The following GLIS3 variants were observed in gnomAD, a reference collection of about 807,000 sequenced individuals.
The protein encoded by GLIS3 is GLIS family zinc finger 3.
GLIS3 carries 53 observed loss-of-function variants against 78.6 expected under a neutral mutation model. That is an observed-to-expected ratio of 0.67 (90% CI 0.54 to 0.85). The LOEUF is 0.85. GLIS3 is among the 40% of genes least tolerant of loss of function. The pLI, the probability that GLIS3 is intolerant of heterozygous loss-of-function variation, is 0.00. For synonymous variants in GLIS3, 684 were observed against 509.9 expected (o/e 1.34, Z -4.60); for missense variants, 1,703 against 1,231.1 (o/e 1.38, Z -5.74).
the GLIS3 span, among the ~76,000 whole-genome samples, chr9:4,427,018 T>C: frequency 6.6e-6 from 1 of 152,224 alleles, no homozygotes. Flanking sequence ...TTGTATCTGA[T>C]AGAACCTAGC....
At chr9:4,373,017 G>C in the GLIS3 span, among the ~76,000 whole-genome samples, 1 of 152,154 alleles carries the variant, frequency 6.6e-6, no homozygotes, top group Non-Finnish European at 1.5e-5. Context: ...AAGCAAAAAT[G>C]TACCATAAAG....
chr9:4,155,121 T>C (rs1418982911), intron 2 of GLIS3, among the ~76,000 whole-genome samples: 4 of 152,238 alleles, frequency 2.6e-5, no homozygotes, highest in African/African-American at 7.2e-5. Flanking sequence ...AAGTTTCTTT[T>C]ATTCTTTTTT....
chr9:3,898,890 T>C (rs777640894), intron 6 of GLIS3, 55 bp from the exon 7 acceptor site: 760 of 1,611,288 alleles, frequency 4.7e-4, no homozygotes, highest in Non-Finnish European at 4.3e-4. Context: ...CTTGGAATAT[T>C]TTCCTGGGAA....
At chr9:4,255,366 A>C (rs1161716264) in intron 2 of GLIS3, among the ~76,000 whole-genome samples, 1 of 152,306 alleles carries the variant, frequency 6.6e-6, no homozygotes, top group African/African-American at 2.4e-5. Context: ...CCTTGGTATC[A>C]CCCAAAGGAG....
chr9:4,057,167 T>C (rs1006265039), intron 4 of GLIS3, among the ~76,000 whole-genome samples: 1 of 152,118 alleles, frequency 6.6e-6, no homozygotes, highest in Non-Finnish European at 1.5e-5. Context: ...AGAATACTAA[T>C]TCCAGGGCTG....
intron 2 of GLIS3, among the ~76,000 whole-genome samples, chr9:4,140,356 C>G (rs1276343235): frequency 6.6e-6 from 1 of 152,032 alleles, no homozygotes; most frequent in Non-Finnish European, 1.5e-5. Flanking sequence ...ACAAAAAAAG[C>G]CACCAGACTA....
At chr9:4,034,579 G>A (rs1364710486) in intron 4 of GLIS3, 1 of 152,162 alleles carries the variant, frequency 6.6e-6, no homozygotes, top group Non-Finnish European at 1.5e-5. Context: ...CACAGAAAGC[G>A]GTATCACAAT....
the GLIS3 span, among the ~76,000 whole-genome samples, chr9:4,469,442 G>T: frequency 6.6e-6 from 1 of 152,142 alleles, no homozygotes; most frequent in African/African-American, 2.4e-5. Flanking sequence ...CTGTCTCTCA[G>T]ACCACAGTGC....
chr9:3,978,717 GATT>G (rs1818993341), intron 4 of GLIS3, among the ~76,000 whole-genome samples: 1 of 151,818 alleles, frequency 6.6e-6, no homozygotes, highest in South Asian at 2.1e-4. Flanking sequence ...TATATAATTT[GATT>G]ATTATATTCG....
chr9:3,972,665 G>A (rs1371255511), intron 4 of GLIS3, among the ~76,000 whole-genome samples: 1 of 152,064 alleles, frequency 6.6e-6, no homozygotes, highest in Non-Finnish European at 1.5e-5. Flanking sequence ...AATGTGGTGG[G>A]CACAAAAGCT....
In GLIS3 at chr9:3,827,757, C is replaced by T. The variant is rs572565068; in HGVS notation, c.*515G>A. The T allele has an allele frequency of 6.9e-4, 115 of 167,416 alleles. 4 individuals carry two copies. In the South Asian group the frequency reaches 9.4e-3, roughly 14 times the overall value. The allele number at this position is 167,416 out of a possible 1,614,324, so 10.4% of individuals were successfully genotyped here. A position where few individuals can be genotyped will look rare whatever the true frequency, so the allele number is the denominator to read the frequency against. ...GCATGTGGCTAAGAGAAAAGGGAAA[C>T]CCAGGGAGTTTCTAAGAGTTGAGAC... On this transcript the variant is annotated 3_prime_UTR_variant, in exon 11 of 11. Transcript: ENST00000381971.
the GLIS3 span, among the ~76,000 whole-genome samples, chr9:4,362,554 T>A: frequency 6.6e-6 from 1 of 152,214 alleles, no homozygotes; most frequent in South Asian, 2.1e-4. Context: ...ACAGGCATTT[T>A]ATGATGAATT....
intron 2 of GLIS3, 197 bp downstream of exon 2, chr9:4,285,841 A>T: frequency 1.5e-6 from 1 of 648,940 alleles, no homozygotes; most frequent in South Asian, 1.8e-5. Flanking sequence ...TCTCATACTC[A>T]GCATTTACCA....
intron 2 of GLIS3, among the ~76,000 whole-genome samples, chr9:4,176,254 G>A (rs1443555685): frequency 1.3e-5 from 2 of 152,030 alleles, no homozygotes; most frequent in Non-Finnish European, 2.9e-5. Flanking sequence ...TAAAAAATTG[G>A]GAAAATAATT....
intron 2 of GLIS3, among the ~76,000 whole-genome samples, chr9:4,206,386 C>G (rs1238765055): frequency 6.6e-6 from 1 of 152,206 alleles, no homozygotes; most frequent in Non-Finnish European, 1.5e-5. Context: ...TGAAGACTGC[C>G]TAACATCTAA....
At chr9:4,432,775 G>T in the GLIS3 span, among the ~76,000 whole-genome samples, 1 of 151,548 alleles carries the variant, frequency 6.6e-6, no homozygotes, top group South Asian at 2.1e-4. Flanking sequence ...CGAGTAGCTG[G>T]GATTATAGGC....
At chr9:4,048,641 T>G (rs922975802) in intron 4 of GLIS3, among the ~76,000 whole-genome samples, 10 of 152,200 alleles carry the variant, frequency 6.6e-5, no homozygotes, top group African/African-American at 2.4e-4. Flanking sequence ...AAAGCATCTT[T>G]TAAGACCATG....
At chr9:4,193,237 A>T (rs1818495132) in intron 2 of GLIS3, among the ~76,000 whole-genome samples, 1 of 152,250 alleles carries the variant, frequency 6.6e-6, no homozygotes, top group Admixed American at 6.5e-5. Context: ...GGCTTTGAAA[A>T]ATCAAAAGAA....
At position 4,098,603 on chromosome 9, in the gene GLIS3, G is replaced by A. The variant is rs551026775; in HGVS notation, c.1710+19165C>T. 4.6e-5 allele frequency among the ~76,000 whole-genome samples: 7 copies of A among 152,270 alleles called. No individual in the cohort carries two copies. The South Asian group carries it at 1.0e-3, about 23-fold the overall frequency. ...TCTCCCAACTATGTATCCTACAACT[G>A]TGCCTTAAAACCATCGGTGTAGTTC... On this transcript the variant is annotated intron_variant, in intron 4 of 10. Transcript: ENST00000381971.
Sources: gnomAD v4.1 joint callset for allele counts (sites outside exome capture counted in the v4.1 genomes callset) on GRCh38, gnomAD v4.1.1 for gene constraint, MANE v1.5 for transcripts, NCBI Gene and HGNC (gene_info 2026-07-23, HGNC 2026-07-21) for gene names.